Variants in ZNF423 observed in about 807,000 individuals in gnomAD.
ZNF423 encodes zinc finger protein 423, also known as Ebf-associated zinc finger protein.
ZNF423 carries 12 observed loss-of-function variants against 95.8 expected under a neutral mutation model. The observed-to-expected ratio is 0.13, with a 90% CI of 0.08 to 0.20. ZNF423 has a LOEUF of 0.20. Among genes scored for constraint, ZNF423 ranks in the 10% least tolerant of loss-of-function variants. The pLI, the probability that ZNF423 is intolerant of heterozygous loss-of-function variation, is 1.00. For missense variants in ZNF423, 1,316 were observed against 1,737.1 expected (o/e 0.76, Z 4.31); for synonymous variants, 749 against 711.9 (o/e 1.05, Z -0.83).
At chr16:49,757,384 T>A (rs780616191) in intron 2 of ZNF423, among the ~76,000 whole-genome samples, 1 of 152,164 alleles carries the variant, frequency 6.6e-6, no homozygotes. Flanking sequence ...CCTGTTCCCA[T>A]GTAGAGAAGA....
At chr16:49,548,975 T>C (rs1210141915) in intron 5 of ZNF423, among the ~76,000 whole-genome samples, 1 of 152,224 alleles carries the variant, frequency 6.6e-6, no homozygotes, top group South Asian at 2.1e-4. Flanking sequence ...TTCTTTCTCC[T>C]TTTCATTTTA....
chr16:49,747,324 GA>G (rs11402071), intron 2 of ZNF423, among the ~76,000 whole-genome samples: 3 of 150,650 alleles, frequency 2.0e-5, no homozygotes, highest in Middle Eastern at 3.5e-3. Context: ...TTGAGAGAGG[GA>G]AAAAAAAAGC....
chr16:49,524,118 G>A (rs993077495), intron 6 of ZNF423, among the ~76,000 whole-genome samples: 2 of 152,164 alleles, frequency 1.3e-5, no homozygotes. Flanking sequence ...ATCATCAACA[G>A]CCAGACACCT....
At chr16:49,522,627 G>C (rs376883702) in intron 7 of ZNF423, among the ~76,000 whole-genome samples, 1 of 152,142 alleles carries the variant, frequency 6.6e-6, no homozygotes, top group African/African-American at 2.4e-5. Context: ...CTATGTGTAT[G>C]TGTGATATAT....
intron 1 of ZNF423, among the ~76,000 whole-genome samples, chr16:49,823,401 A>C (rs2034969337): frequency 6.6e-6 from 1 of 152,162 alleles, no homozygotes; most frequent in South Asian, 2.1e-4. Context: ...GAAAAAAACG[A>C]GTGTTAATGC....
At chr16:49,831,344 T>C (rs988768468) in intron 1 of ZNF423, among the ~76,000 whole-genome samples, 1 of 152,220 alleles carries the variant, frequency 6.6e-6, no homozygotes, top group African/African-American at 2.4e-5. Context: ...GGAAATGGGT[T>C]CATTTTCCCT....
Position 49,634,652 on chromosome 16 carries a change from C to T in ZNF423, c.3516+1008G>A, listed in dbSNP as rs1468954418. On this transcript the variant is annotated intron_variant, in intron 4 of 7. Coordinates refer to ENST00000563137, the MANE Select transcript of ZNF423 (RefSeq NM_001379286.1). ...AAATCCTGCCTCCCTGCCAATGGTGCCAGCAGCGGTCCTTGAGGGAAATAT... is the reference window on the plus strand; with the variant it reads ...AAATCCTGCCTCCCTGCCAATGGTGTCAGCAGCGGTCCTTGAGGGAAATAT... Among the ~76,000 whole-genome samples the T allele has an allele frequency of 2.6e-5, 4 of 152,228 alleles. 1 individual carries two copies. The highest frequency in any genetic ancestry group is 5.9e-5 in the Non-Finnish European group (4 of 68,034).
intron 2 of ZNF423, among the ~76,000 whole-genome samples, chr16:49,776,571 C>T (rs1368420535): frequency 2.0e-5 from 3 of 152,356 alleles, no homozygotes; most frequent in East Asian, 3.9e-4. Flanking sequence ...CCAGCCCCGA[C>T]CCTGGGGACA....
intron 7 of ZNF423, among the ~76,000 whole-genome samples, chr16:49,515,430 A>G (rs1351444087): frequency 6.6e-6 from 1 of 152,192 alleles, no homozygotes; most frequent in East Asian, 1.9e-4. Flanking sequence ...ATTTATTTAA[A>G]CTTTGGAGGG....
intron 2 of ZNF423, among the ~76,000 whole-genome samples, chr16:49,744,708 G>T (rs143886294): frequency 2.0e-4 from 30 of 152,278 alleles, no homozygotes; most frequent in African/African-American, 6.3e-4. Flanking sequence ...TTAGCCACAG[G>T]CCAAAGGTCA....
At position 49,638,423 on chromosome 16, in the gene ZNF423, G is replaced by T; in HGVS notation, c.753C>A (p.Ala251=). The change falls in exon 4 of 8, where the codon GCC becomes GCA. Residue 251 remains alanine (A), a synonymous_variant. Transcript: ENST00000563137. The surrounding 1 kb of genome is among the most constrained non-coding windows in gnomAD (Gnocchi z 5.6). The part of the protein sequence containing the change: ...STSSLQSHMQ[A]HKKNKEHLAK... ...CCAGATGCTCCTTGTTCTTTTTGTG[G>T]GCCTGCATGTGGCTCTGCAGCGAGC... 6.2e-7 allele frequency: 1 copy of T among 1,613,868 alleles called. No individual in the cohort carries two copies. The highest frequency in any genetic ancestry group is 8.5e-7 in the Non-Finnish European group (1 of 1,180,030).
At chr16:49,826,143 T>A (rs1388194324) in intron 1 of ZNF423, among the ~76,000 whole-genome samples, 4 of 151,892 alleles carry the variant, frequency 2.6e-5, no homozygotes, top group Admixed American at 6.6e-5. Flanking sequence ...GCCCGGGAGG[T>A]CGAGGCTTCA....
At chr16:49,548,919 T>TA (rs1969535153) in intron 5 of ZNF423, among the ~76,000 whole-genome samples, 1 of 152,266 alleles carries the variant, frequency 6.6e-6, no homozygotes, top group African/African-American at 2.4e-5. Flanking sequence ...TCCTAGTTAC[T>TA]GCAACACTGG....
At chr16:49,759,686 C>T (rs181069345) in intron 2 of ZNF423, among the ~76,000 whole-genome samples, 2 of 152,338 alleles carry the variant, frequency 1.3e-5, no homozygotes, top group African/African-American at 4.8e-5. Flanking sequence ...CTTTTAACCC[C>T]TGTGACAGCT....
At chr16:49,631,418 A>G (rs1596747824) in intron 4 of ZNF423, among the ~76,000 whole-genome samples, 1 of 147,430 alleles carries the variant, frequency 6.8e-6, no homozygotes, top group African/African-American at 2.5e-5. Context: ...CCCACTCTCA[A>G]CCCCCCTGGA....
chr16:49,650,020 A>G (rs1973339508), intron 3 of ZNF423, among the ~76,000 whole-genome samples: 1 of 152,248 alleles, frequency 6.6e-6, no homozygotes, highest in Non-Finnish European at 1.5e-5. Context: ...AAAAGTAGGG[A>G]TCATTCCTTC....
intron 3 of ZNF423, chr16:49,711,695 T>C (rs2032548441): frequency 6.6e-6 from 1 of 152,168 alleles, no homozygotes; most frequent in African/African-American, 2.4e-5. Flanking sequence ...ATCTATGAAA[T>C]ACAGTATTAC....
intron 7 of ZNF423, among the ~76,000 whole-genome samples, chr16:49,514,440 G>C (rs890928177): frequency 1.3e-5 from 2 of 152,114 alleles, no homozygotes; most frequent in African/African-American, 4.8e-5. Context: ...GGTGCCGGGA[G>C]TAGGTACTCA....
chr16:49,619,002 C>A (rs561086429), intron 5 of ZNF423, among the ~76,000 whole-genome samples: 3 of 152,158 alleles, frequency 2.0e-5, no homozygotes, highest in African/African-American at 7.2e-5. Context: ...TGTTGCAGTA[C>A]TGAATTGTGT....
Sources: allele counts gnomAD v4.1 joint callset (sites outside exome capture counted in the v4.1 genomes callset), GRCh38; gene constraint gnomAD v4.1.1; non-coding constraint Gnocchi (gnomAD v3.1); transcripts MANE v1.5; gene names NCBI Gene and HGNC (gene_info 2026-07-23, HGNC 2026-07-21).